Variants in ECI2 observed in about 807,000 individuals in gnomAD.
ECI2 encodes enoyl-CoA delta isomerase 2, also known as D3,D2-enoyl-CoA isomerase.
Under a neutral mutation model 38.4 loss-of-function variants are expected in ECI2, and 27 were observed. That is an observed-to-expected ratio of 0.70 (90% confidence interval 0.52 to 0.97). The LOEUF is 0.97. Ranked by LOEUF, ECI2 falls within the 50% of genes least tolerant of loss-of-function variation. The pLI is 0.00. For synonymous variants in ECI2, 168 were observed against 172.0 expected (o/e 0.98, Z 0.18); for missense variants, 470 against 474.4 (o/e 0.99, Z 0.09).
At chr6:4,129,976 T>C (rs1315664518) in intron 4 of ECI2, among the ~76,000 whole-genome samples, 5 of 152,096 alleles carry the variant, frequency 3.3e-5, no homozygotes, top group Non-Finnish European at 4.4e-5. Flanking sequence ...TCCCTATACT[T>C]ATAAAAAATG....
intron 3 of ECI2, 97 bp from the exon 4 acceptor site, chr6:4,130,657 A>C: frequency 6.2e-7 from 1 of 1,604,938 alleles, no homozygotes; most frequent in East Asian, 2.2e-5. Context: ...CAATGAAGAA[A>C]GAATAGAAGC....
chr6:4,134,111 C>T (rs1209539486), intron 1 of ECI2, among the ~76,000 whole-genome samples: 3 of 152,232 alleles, frequency 2.0e-5, no homozygotes, highest in Non-Finnish European at 4.4e-5. Flanking sequence ...CTGAAACAGC[C>T]TCTGCACTCA....
At position 4,135,444 on chromosome 6, in the gene ECI2, G is replaced by A. The variant is rs879429102; in HGVS notation, c.50+67C>T. The A allele has an allele frequency of 2.9e-5, 47 of 1,608,584 alleles. No individual in the cohort carries two copies. The Middle Eastern group carries it at 5.0e-4, about 17-fold the overall frequency. The stretch of plus-strand genomic sequence containing the variant: ...GGAAGGAGGGTCTTCCAACGGCGGC[G>A]ACCTTCGCCTGGACAGCGGTATCCT... On this transcript the variant is annotated intron_variant, in intron 1 of 9. Transcript: ENST00000380118.
intron 7 of ECI2, chr6:4,122,005 A>G: frequency 6.2e-7 from 1 of 1,608,158 alleles, no homozygotes; most frequent in Non-Finnish European, 8.5e-7. Context: ...ACAAGCAGGA[A>G]ACTGAGAAAC....
intron 7 of ECI2, among the ~76,000 whole-genome samples, chr6:4,123,119 A>G (rs928403533): frequency 2.0e-5 from 3 of 152,168 alleles, no homozygotes; most frequent in African/African-American, 7.2e-5. Flanking sequence ...TAAATCTTAT[A>G]AAACAATTTT....
chr6:4,119,891 C>T (rs1772577523), intron 7 of ECI2, among the ~76,000 whole-genome samples: 1 of 146,090 alleles, frequency 6.8e-6, no homozygotes, highest in Admixed American at 6.8e-5. Context: ...GTTTTCTGTC[C>T]CTACAGTTTT....
At chr6:4,121,905 A>T in intron 7 of ECI2, 2 of 1,128,862 alleles carry the variant, frequency 1.8e-6, no homozygotes, top group Non-Finnish European at 2.5e-6. Flanking sequence ...AATATTTTTA[A>T]AAGTTTCTGT....
intron 1 of ECI2, among the ~76,000 whole-genome samples, chr6:4,134,657 T>C (rs965889907): frequency 2.6e-5 from 4 of 152,230 alleles, no homozygotes; most frequent in African/African-American, 9.6e-5. Context: ...CTTTGGACTA[T>C]TAGTAACTGA....
intron 2 of ECI2, 113 bp from the exon 3 acceptor site, chr6:4,130,978 A>G: frequency 1.0e-6 from 1 of 958,180 alleles, no homozygotes. Flanking sequence ...ATCCTTTCAC[A>G]GGGTATGTAA....
At chr6:4,126,098 G>C (rs758828271) in intron 6 of ECI2, 37 bp downstream of exon 6, 9 of 1,544,402 alleles carry the variant, frequency 5.8e-6, no homozygotes, top group Non-Finnish European at 7.1e-6. Flanking sequence ...ACTAAGAACG[G>C]GCCCTCTGGG....
chr6:4,125,806 C>G, intron 6 of ECI2: 3 of 447,162 alleles, frequency 6.7e-6, no homozygotes, highest in South Asian at 6.2e-5. Flanking sequence ...CTTCAGCGTT[C>G]ATGGAAATCT....
intron 7 of ECI2, among the ~76,000 whole-genome samples, chr6:4,120,299 C>A (rs968358218): frequency 6.6e-6 from 1 of 152,182 alleles, no homozygotes; most frequent in East Asian, 1.9e-4. Context: ...TACTTGGATG[C>A]CACAGCCTAC....
chr6:4,128,642 A>C (rs1182534594), intron 4 of ECI2, among the ~76,000 whole-genome samples: 3 of 152,212 alleles, frequency 2.0e-5, no homozygotes, highest in African/African-American at 7.2e-5. Flanking sequence ...CTGGAAAAGA[A>C]TTCTGTATCT....
intron 7 of ECI2, chr6:4,121,985 C>T (rs1270447897): frequency 3.1e-6 from 5 of 1,605,440 alleles, no homozygotes; most frequent in East Asian, 2.2e-5. Context: ...GAAGACACAG[C>T]CTAAGGAATA....
intron 1 of ECI2, among the ~76,000 whole-genome samples, chr6:4,134,763 A>G (rs1029836762): frequency 6.6e-6 from 1 of 152,244 alleles, no homozygotes; most frequent in African/African-American, 2.4e-5. Flanking sequence ...GTAGAAAACG[A>G]AAGAAAAATT....
intron 4 of ECI2, among the ~76,000 whole-genome samples, chr6:4,128,938 G>A (rs1773348782): frequency 6.6e-6 from 1 of 152,130 alleles, no homozygotes; most frequent in Non-Finnish European, 1.5e-5. Context: ...TTCTCCTGAG[G>A]GAAGTGATAA....
At chr6:4,132,408 A>G (rs985910742) in intron 2 of ECI2, among the ~76,000 whole-genome samples, 4 of 151,844 alleles carry the variant, frequency 2.6e-5, no homozygotes, top group African/African-American at 9.7e-5. Context: ...CCTAAATCAC[A>G]TCGTTAAGAC....
intron 4 of ECI2, chr6:4,130,021 G>C (rs1404640930): frequency 8.4e-7 from 1 of 1,186,472 alleles, no homozygotes; most frequent in Admixed American, 1.9e-5. Context: ...TTACTTTCAT[G>C]TCTAAGTGAC....
intron 1 of ECI2, among the ~76,000 whole-genome samples, chr6:4,133,956 G>T (rs1401528079): frequency 6.6e-6 from 1 of 152,224 alleles, no homozygotes; most frequent in Non-Finnish European, 1.5e-5. Flanking sequence ...GGAGGTATCT[G>T]TAAGCAACTA....
Sources: allele counts gnomAD v4.1 joint callset (sites outside exome capture counted in the v4.1 genomes callset), GRCh38; gene constraint gnomAD v4.1.1; transcripts MANE v1.5; gene names NCBI Gene and HGNC (gene_info 2026-07-23, HGNC 2026-07-21).